Variants in DTNB observed in about 807,000 individuals in gnomAD.
The protein encoded by DTNB is DTN-B.
A neutral mutation model predicts 90.7 loss-of-function variants in DTNB; 63 were observed. The ratio of observed to expected loss-of-function variants is 0.69; its 90% CI spans 0.57 to 0.86. DTNB has a LOEUF of 0.86. Ranked by LOEUF, DTNB falls within the 40% of genes least tolerant of loss-of-function variation. The probability of loss-of-function intolerance (pLI) is 0.00; values close to 1 mark genes in which losing one functional copy is unlikely to be tolerated. For missense variants in DTNB, 744 were observed against 807.1 expected (o/e 0.92, Z 0.95); for synonymous variants, 277 against 286.7 (o/e 0.97, Z 0.34).
intron 9 of DTNB, among the ~76,000 whole-genome samples, chr2:25,523,641 C>CAAAAA (rs763301694): frequency 1.2e-4 from 11 of 92,292 alleles, no homozygotes; most frequent in African/African-American, 3.3e-4. Flanking sequence ...ACTCTGTCTC[C>CAAAAA]AAAAAAAAAA....
At chr2:25,566,443 C>T (rs2059053875) in intron 8 of DTNB, among the ~76,000 whole-genome samples, 1 of 152,308 alleles carries the variant, frequency 6.6e-6, no homozygotes, top group South Asian at 2.1e-4. Flanking sequence ...AATAAGTTTC[C>T]ACTATTTTAA....
chr2:25,550,421 CA>C (rs201445140), intron 8 of DTNB, among the ~76,000 whole-genome samples: 4 of 150,274 alleles, frequency 2.7e-5, no homozygotes, highest in African/African-American at 7.3e-5. Context: ...AACAAACAAA[CA>C]AAAAAAAACA....
At chr2:25,407,287 A>T (rs1179672545) in intron 16 of DTNB, among the ~76,000 whole-genome samples, 1 of 152,168 alleles carries the variant, frequency 6.6e-6, no homozygotes, top group East Asian at 1.9e-4. Context: ...TTTGGCATGG[A>T]TGTGGTGAAA....
At chr2:25,507,289 T>A (rs375422815) in intron 9 of DTNB, among the ~76,000 whole-genome samples, 20 of 152,174 alleles carry the variant, frequency 1.3e-4, no homozygotes, top group African/African-American at 4.8e-4. Flanking sequence ...TATACCCACA[T>A]CAATAAGACA....
At chr2:25,504,406 A>G (rs1006999338) in intron 9 of DTNB, among the ~76,000 whole-genome samples, 1 of 150,470 alleles carries the variant, frequency 6.6e-6, no homozygotes, top group Admixed American at 6.6e-5. Flanking sequence ...AAGGAAGGAA[A>G]GAAAGAAAAG....
At chr2:25,393,870 T>C (rs772617475) in intron 16 of DTNB, among the ~76,000 whole-genome samples, 11 of 152,082 alleles carry the variant, frequency 7.2e-5, no homozygotes, top group African/African-American at 7.2e-5. Context: ...ACCACCATCA[T>C]TCCTCACAGG....
intron 10 of DTNB, among the ~76,000 whole-genome samples, chr2:25,458,028 T>G (rs1232870502): frequency 6.6e-6 from 1 of 151,928 alleles, no homozygotes; most frequent in Non-Finnish European, 1.5e-5. Flanking sequence ...AGAGATGAGG[T>G]TTCACCATGT....
chr2:25,458,365 G>A lies in DTNB; in HGVS notation c.1080-2871C>T, dbSNP rs190941593. ...ATTAAAGGAGCACTGGCAGCGAGCC[G>A]TACTTTTTTTCTAAATGGGAAAAGG... On this transcript the variant is annotated intron_variant, in intron 10 of 20. Transcript: ENST00000406818. Among the ~76,000 whole-genome samples, 184 of 151,542 alleles carry A rather than the reference G, an allele frequency of 1.2e-3. 2 individuals carry two copies. Among genetic ancestry groups the A allele is most frequent in the African/African-American group, 4.1e-3 (168 of 41,258 alleles).
intron 16 of DTNB, among the ~76,000 whole-genome samples, chr2:25,416,168 A>T (rs1158375029): frequency 6.6e-6 from 1 of 152,108 alleles, no homozygotes; most frequent in African/African-American, 2.4e-5. Context: ...AGAGAACTGA[A>T]TTTTTTGGTG....
chr2:25,383,754 A>G, intron 19 of DTNB, 82 bp downstream of exon 19: 2 of 1,613,108 alleles, frequency 1.2e-6, no homozygotes, highest in Non-Finnish European at 1.7e-6. Flanking sequence ...GCAGGGAGGA[A>G]TGCAGAAACA....
chr2:25,499,908 T>C (rs532128405), intron 9 of DTNB, among the ~76,000 whole-genome samples: 1 of 152,314 alleles, frequency 6.6e-6, no homozygotes, highest in East Asian at 1.9e-4. Flanking sequence ...TTTTTGGTTT[T>C]GTTTTGAGAC....
chr2:25,420,475 T>C (rs754280771), intron 15 of DTNB, among the ~76,000 whole-genome samples: 1 of 54,134 alleles, frequency 1.8e-5, no homozygotes, highest in African/African-American at 5.1e-5. Context: ...TCAATCTATC[T>C]ATCTATCTAT....
chr2:25,486,523 C>T (rs2066193165), intron 9 of DTNB, among the ~76,000 whole-genome samples: 1 of 151,632 alleles, frequency 6.6e-6, no homozygotes, highest in African/African-American at 2.4e-5. Context: ...GTCCTAGCTA[C>T]TCAGGAGGCA....
rs116458358 is a variant in DTNB at position 25,538,344 on chromosome 2, G to A, written c.877-6747C>T. On this transcript the variant is annotated intron_variant, in intron 8 of 20. Coordinates refer to ENST00000406818, the MANE Select transcript of DTNB (RefSeq NM_021907.5). ...CGCTTGAGTCCAGGAGTTTGAGGTT[G>A]CAGTGAACTACAATAGTGCCACTGT... Among the ~76,000 whole-genome samples, 1,480 of 152,320 alleles carry A rather than the reference G, an allele frequency of 9.7e-3. 26 individuals carry two copies. The highest frequency in any genetic ancestry group is 0.034 in the African/African-American group (1,407 of 41,562).
chr2:25,642,553 G>T (rs2078569646), intron 2 of DTNB, among the ~76,000 whole-genome samples: 1 of 151,694 alleles, frequency 6.6e-6, no homozygotes, highest in Non-Finnish European at 1.5e-5. Context: ...TGGGACCACA[G>T]GTGTGTGCCA....
At chr2:25,506,303 C>T (rs1014677645) in intron 9 of DTNB, among the ~76,000 whole-genome samples, 1 of 151,802 alleles carries the variant, frequency 6.6e-6, no homozygotes, top group South Asian at 2.1e-4. Flanking sequence ...TGAAATGTTC[C>T]CAACACACAG....
rs1425143817 is a variant in DTNB at position 25,377,250 on chromosome 2, T to G, written c.*333A>C. ...TCACAAACACACAAGAGCTTGGTGC[T>G]TTTTCTTTTCTCTTTTCAACCTCCA... On this transcript the variant is annotated 3_prime_UTR_variant, in exon 21 of 21. Transcript: ENST00000406818. The G allele has an allele frequency of 6.5e-6, 1 of 152,912 alleles. No homozygotes were observed. Among genetic ancestry groups the G allele is most frequent in the Non-Finnish European group, 1.5e-5 (1 of 68,118 alleles). 9.5% of individuals were successfully genotyped at this position (152,912 alleles called of 1,614,324 possible). A position where few individuals can be genotyped will look rare whatever the true frequency, so the allele number is the denominator to read the frequency against.
At chr2:25,383,103 C>T (rs35010208) in intron 19 of DTNB, among the ~76,000 whole-genome samples, 29,433 of 152,114 alleles carry the variant, frequency 0.19, 3,678 homozygotes, top group Non-Finnish European at 0.27. Flanking sequence ...CTATTCTAGT[C>T]CACAACAATC....
At chr2:25,395,005 G>A (rs2042032864) in intron 16 of DTNB, among the ~76,000 whole-genome samples, 1 of 151,984 alleles carries the variant, frequency 6.6e-6, no homozygotes, top group Non-Finnish European at 1.5e-5. Context: ...TCAATGAGTG[G>A]GTAAAACAAA....
Sources: allele counts gnomAD v4.1 joint callset (sites outside exome capture counted in the v4.1 genomes callset), GRCh38; gene constraint gnomAD v4.1.1; transcripts MANE v1.5; gene names NCBI Gene and HGNC (gene_info 2026-07-23, HGNC 2026-07-21).